Variants in U2SURP observed in about 807,000 individuals in gnomAD.
U2SURP encodes the protein U2 snRNP-associated SURP motif-containing protein.
U2SURP carries 9 observed loss-of-function variants against 144.9 expected under a neutral mutation model. The observed-to-expected ratio is 0.06, with a 90% CI of 0.04 to 0.11. The LOEUF is 0.11. Among genes scored for constraint, U2SURP ranks in the 10% least tolerant of loss-of-function variants. The pLI, the probability that U2SURP is intolerant of heterozygous loss-of-function variation, is 1.00. For synonymous variants in U2SURP, 408 were observed against 396.8 expected, an observed-to-expected ratio of 1.03 and a Z score of -0.33; for missense variants, 724 against 1,226.7, an observed-to-expected ratio of 0.59 and a Z score of 6.12.
Position 143,022,553 on chromosome 3 carries a change from G to A in U2SURP, c.909G>A (p.Val303=), listed in dbSNP as rs1311032171. ...GAAGATTTGGACCGTTAGCCAGTGT[G>A]AAAATCATGTGGCCTAGAACTGATG... ...EFGRFGPLAS[V]KIMWPRTDEE... is the part of the protein sequence containing the mutation. Residue 303 remains valine, a synonymous_variant, in exon 11 of 28, where the codon GTG becomes GTA. Coordinates refer to ENST00000473835, the MANE Select transcript of U2SURP (RefSeq NM_001080415.2). 6.2e-7 allele frequency: 1 copy of A among 1,612,074 alleles called. No individual in the cohort carries two copies. Among genetic ancestry groups the A allele is most frequent in the Admixed American group, 1.7e-5 (1 of 59,908 alleles).
At chr3:143,034,582 A>T in intron 18 of U2SURP, 1 of 176,016 alleles carries the variant, frequency 5.7e-6, no homozygotes, top group African/African-American at 2.4e-5. Flanking sequence ...CACTTTTCTA[A>T]GTTTTCTGTT....
At chr3:143,005,172 G>A (rs552560838) in intron 1 of U2SURP, among the ~76,000 whole-genome samples, 2 of 119,962 alleles carry the variant, frequency 1.7e-5, no homozygotes, top group Admixed American at 8.8e-5. Flanking sequence ...TTGCCGTATC[G>A]CCAAAAATTG....
chr3:143,046,997 G>T lies in U2SURP; in HGVS notation c.2544+3721G>T, dbSNP rs1271479020. On this transcript the variant is annotated intron_variant, in intron 24 of 27. Coordinates refer to ENST00000473835, the MANE Select transcript of U2SURP (RefSeq NM_001080415.2). ...GACGGGGCGGCTGGCCGGGCGGGGG[G>T]CTGACCCCCCCACCTCCCTCCTGGA... 2.6e-4 allele frequency among the ~76,000 whole-genome samples: 36 copies of T among 138,606 alleles called. 2 individuals are homozygous for T. Among genetic ancestry groups the T allele is most frequent in the Admixed American group, 1.2e-3 (17 of 14,594 alleles). 90.9% of individuals were successfully genotyped at this position (138,606 alleles called of 152,430 possible).
Position 143,034,991 on chromosome 3 carries a change from TAC to T in U2SURP, c.1941+17_1941+18del. 1 of 1,154,126 alleles carries T rather than the reference TAC, an allele frequency of 8.7e-7. No individual in the cohort carries two copies. 71.5% of individuals were successfully genotyped at this position (1,154,126 alleles called of 1,614,324 possible). On this transcript the variant is annotated intron_variant, in intron 19 of 27. Coordinates refer to ENST00000473835, the MANE Select transcript of U2SURP (RefSeq NM_001080415.2). ...AAACTTTAAGGTACGTTTATTGTTT[TAC>T]TATTTTTGCCCTAGTGTTTTAAATG...
At chr3:143,047,446 G>A (rs1234101609) in intron 24 of U2SURP, among the ~76,000 whole-genome samples, 21 of 28,090 alleles carry the variant, frequency 7.5e-4, no homozygotes, top group Non-Finnish European at 1.1e-3. Flanking sequence ...CCGGGCGGGG[G>A]GCTGACCCCC....
chr3:143,026,146 T>A (rs1933132498), intron 13 of U2SURP: 1 of 152,086 alleles, frequency 6.6e-6, no homozygotes, highest in South Asian at 2.1e-4. Context: ...ACCTGAGTCA[T>A]TTTTGCCCGA....
intron 23 of U2SURP, 89 bp downstream of exon 23, chr3:143,039,049 G>T: frequency 1.0e-6 from 1 of 964,912 alleles, no homozygotes; most frequent in East Asian, 3.3e-5. Context: ...TAGTGAAGTG[G>T]AAAACTTCAC....
intron 24 of U2SURP, among the ~76,000 whole-genome samples, chr3:143,049,405 G>A (rs1934729729): frequency 6.6e-6 from 1 of 152,044 alleles, no homozygotes; most frequent in South Asian, 2.1e-4. Context: ...TGCTGTAGTA[G>A]CATTTAGTCC....
chr3:143,033,956 A>C (rs780858932), intron 18 of U2SURP, among the ~76,000 whole-genome samples: 5 of 152,234 alleles, frequency 3.3e-5, no homozygotes, highest in Non-Finnish European at 7.3e-5. Context: ...TCATATAATA[A>C]ATAGAAACAG....
intron 3 of U2SURP, among the ~76,000 whole-genome samples, chr3:143,012,988 T>C (rs1436075944): frequency 3.3e-5 from 5 of 152,284 alleles, no homozygotes; most frequent in African/African-American, 1.2e-4. Flanking sequence ...TAAATATATT[T>C]TTACTTTGCC....
intron 1 of U2SURP, among the ~76,000 whole-genome samples, chr3:143,004,270 T>C (rs1003911656): frequency 6.6e-6 from 1 of 151,696 alleles, no homozygotes; most frequent in Non-Finnish European, 1.5e-5. Context: ...TAATTTTAAA[T>C]GTACAATATG....
At chr3:143,051,602 CAAAA>C (rs3041537) in intron 25 of U2SURP, among the ~76,000 whole-genome samples, 26 of 90,634 alleles carry the variant, frequency 2.9e-4, no homozygotes, top group East Asian at 6.5e-4. Context: ...ACTGTCGTTG[CAAAA>C]AAAAAAAAAA....
intron 16 of U2SURP, among the ~76,000 whole-genome samples, chr3:143,031,740 C>T (rs1359052465): frequency 6.6e-6 from 1 of 152,090 alleles, no homozygotes. Flanking sequence ...TAACTGAATC[C>T]GTCTCTTTGA....
chr3:143,021,247 C>G (rs989724003), intron 8 of U2SURP, 103 bp from the exon 9 acceptor site: 1 of 1,292,302 alleles, frequency 7.7e-7, no homozygotes, highest in African/African-American at 1.5e-5. Flanking sequence ...TTTTGTCTCT[C>G]AGAAATACCT....
chr3:143,043,717 G>GTATATA (rs5853088), intron 24 of U2SURP, among the ~76,000 whole-genome samples: 71 of 147,372 alleles, frequency 4.8e-4, no homozygotes, highest in African/African-American at 1.8e-3. Context: ...TAGATTATAT[G>GTATATA]TATATATATA....
chr3:143,036,243 T>G, intron 20 of U2SURP, 139 bp downstream of exon 20: 1 of 974,008 alleles, frequency 1.0e-6, no homozygotes, highest in Non-Finnish European at 1.4e-6. Flanking sequence ...TAGTGGATTT[T>G]TATTGCTGGA....
At chr3:143,011,805 A>G (rs2108272727) in intron 2 of U2SURP, 2 of 336,554 alleles carry the variant, frequency 5.9e-6, no homozygotes, top group South Asian at 4.9e-5. Flanking sequence ...AATAAGAAGT[A>G]CGTATAACAC....
chr3:143,026,284 C>T (rs368022547), intron 13 of U2SURP: 32 of 152,196 alleles, frequency 2.1e-4, no homozygotes, highest in African/African-American at 7.7e-4. Flanking sequence ...AAATTACTCA[C>T]ATATGTTTAT....
Position 143,056,618 on chromosome 3 carries a change from C to T in U2SURP, c.*168C>T. 3 of 699,612 alleles carry T rather than the reference C, an allele frequency of 4.3e-6. No homozygotes were observed. The highest frequency in any genetic ancestry group is 6.9e-6 in the Non-Finnish European group (3 of 434,852). 43.3% of individuals were successfully genotyped at this position (699,612 alleles called of 1,614,324 possible). On this transcript the variant is annotated 3_prime_UTR_variant, in exon 28 of 28. Transcript: ENST00000473835. ...TGAGCAACTGCATCTGTAGATCTGTCATTGTTTTATATTGTGTAAATTACT... is the reference window on the plus strand; with the variant it reads ...TGAGCAACTGCATCTGTAGATCTGTTATTGTTTTATATTGTGTAAATTACT...
Sources: allele counts gnomAD v4.1 joint callset (sites outside exome capture counted in the v4.1 genomes callset), GRCh38; gene constraint gnomAD v4.1.1; transcripts MANE v1.5; gene names NCBI Gene and HGNC (gene_info 2026-07-23, HGNC 2026-07-21).